The following TMPRSS15 variants were observed in gnomAD, a reference collection of about 807,000 sequenced individuals.
The protein encoded by TMPRSS15 is enteropeptidase.
A neutral mutation model predicts 125.3 loss-of-function variants in TMPRSS15; 128 were observed. That is an observed-to-expected ratio of 1.02 (90% CI 0.89 to 1.18). The LOEUF (loss-of-function observed/expected upper bound fraction) is 1.18, where lower values mean the gene tolerates loss of function less well. TMPRSS15 is among the 50% of genes most tolerant of loss of function. TMPRSS15 has a pLI of 0.00. For synonymous variants in TMPRSS15, 446 were observed against 423.2 expected, an observed-to-expected ratio of 1.05 and a Z score of -0.66; for missense variants, 1,283 against 1,212.7, an observed-to-expected ratio of 1.06 and a Z score of -0.86.
intron 6 of TMPRSS15, among the ~76,000 whole-genome samples, chr21:18,367,260 G>A (rs2075747451): frequency 6.6e-6 from 1 of 152,052 alleles, no homozygotes; most frequent in Non-Finnish European, 1.5e-5. Flanking sequence ...GAAAAATAGT[G>A]GTTTGTTAAC....
chr21:18,423,926 CTTCTT>C (rs1812764652), intron 1 of TMPRSS15, among the ~76,000 whole-genome samples: 1 of 152,104 alleles, frequency 6.6e-6, no homozygotes. Flanking sequence ...TTATCTTCAT[CTTCTT>C]TTTTTTCTTC....
chr21:18,396,541 G>A (rs1354664095), intron 3 of TMPRSS15, among the ~76,000 whole-genome samples: 2 of 151,992 alleles, frequency 1.3e-5, no homozygotes, highest in East Asian at 3.9e-4. Context: ...TTGGGAGGCC[G>A]AGGTGGGCGG....
At chr21:18,300,080 G>C (rs2074948831) in intron 18 of TMPRSS15, among the ~76,000 whole-genome samples, 1 of 150,926 alleles carries the variant, frequency 6.6e-6, no homozygotes, top group Non-Finnish European at 1.5e-5. Context: ...ATAGATGTTA[G>C]AGAGGTGGAT....
At chr21:18,434,628 T>C (rs1167730231) in intron 1 of TMPRSS15, among the ~76,000 whole-genome samples, 2 of 152,092 alleles carry the variant, frequency 1.3e-5, no homozygotes, top group African/African-American at 4.8e-5. Flanking sequence ...GGAACATAAC[T>C]GCTTTGTAAG....
At chr21:18,422,274 C>T (rs541815476) in intron 1 of TMPRSS15, among the ~76,000 whole-genome samples, 1 of 152,144 alleles carries the variant, frequency 6.6e-6, no homozygotes, top group African/African-American at 2.4e-5. Flanking sequence ...GTGTGTGCCA[C>T]CACCCCCAGC....
chr21:18,468,764 T>G (rs969392602), intron 1 of TMPRSS15, among the ~76,000 whole-genome samples: 1 of 152,156 alleles, frequency 6.6e-6, no homozygotes, highest in African/African-American at 2.4e-5. Flanking sequence ...AATTGTACTT[T>G]GGGTATACAC....
At chr21:18,281,347 T>A in intron 21 of TMPRSS15, 126 bp from the exon 22 acceptor site, 1 of 855,968 alleles carries the variant, frequency 1.2e-6, no homozygotes, top group Non-Finnish European at 1.9e-6. Flanking sequence ...CTCTGAAGAA[T>A]CATCCTTTAA....
intron 1 of TMPRSS15, among the ~76,000 whole-genome samples, chr21:18,463,432 G>A (rs1187565422): frequency 6.6e-6 from 1 of 151,870 alleles, no homozygotes; most frequent in African/African-American, 2.4e-5. Context: ...ACCCAATATA[G>A]GAGCACCCAG....
At chr21:18,348,052 G>A (rs1467782788) in intron 10 of TMPRSS15, among the ~76,000 whole-genome samples, 1 of 152,158 alleles carries the variant, frequency 6.6e-6, no homozygotes, top group Non-Finnish European at 1.5e-5. Flanking sequence ...GGGTGTGGTA[G>A]AATGCACCTG....
At chr21:18,309,586 AAAAC>A (rs1455647773) in intron 18 of TMPRSS15, among the ~76,000 whole-genome samples, 1 of 152,164 alleles carries the variant, frequency 6.6e-6, no homozygotes, top group Non-Finnish European at 1.5e-5. Flanking sequence ...TTACAAGAAA[AAAAC>A]AAACAACCCC....
At position 18,294,615 on chromosome 21, in the gene TMPRSS15, A is replaced by G. The variant is rs150923238; in HGVS notation, c.2299T>C (p.Cys767Arg). Residue 767 changes from cysteine (C) to arginine (R), a missense_variant, in exon 20 of 25, where the codon TGT (cysteine) becomes CGT (arginine). Physicochemically the swap from Cys to Arg is radical, Grantham distance 180. Transcript: ENST00000284885. ...CATATTTACTTACATTTATGGTTAC[A>G]CTGTAACCGAATCAAGGAATCCTGT... ...CLQDSLIRLQCNHKSCGKKLA... is the reference protein window; with the variant it reads ...CLQDSLIRLQRNHKSCGKKLA... 15 of 1,611,596 alleles carry G rather than the reference A, an allele frequency of 9.3e-6. No homozygotes were observed. The Middle Eastern group carries it at 8.2e-4, about 88-fold the overall frequency.
intron 19 of TMPRSS15, 141 bp from the exon 20 acceptor site, chr21:18,294,793 T>C (rs937087815): frequency 2.7e-6 from 2 of 751,522 alleles, no homozygotes; most frequent in Non-Finnish European, 4.5e-6. Flanking sequence ...GACTGAATTG[T>C]AAGCCGAAGA....
At chr21:18,322,562 C>T (rs375109433) in intron 16 of TMPRSS15, among the ~76,000 whole-genome samples, 6 of 152,182 alleles carry the variant, frequency 3.9e-5, no homozygotes, top group Admixed American at 6.5e-5. Flanking sequence ...ATAATGAAAT[C>T]CTGTCATTTG....
intron 1 of TMPRSS15, among the ~76,000 whole-genome samples, chr21:18,419,327 G>A (rs1413773273): frequency 2.1e-5 from 3 of 145,428 alleles, no homozygotes; most frequent in Admixed American, 1.5e-4. Flanking sequence ...CCGGGTTCAC[G>A]CCATTCTCCT....
intron 24 of TMPRSS15, among the ~76,000 whole-genome samples, chr21:18,273,910 C>G (rs943713500): frequency 1.3e-5 from 2 of 152,146 alleles, no homozygotes; most frequent in African/African-American, 4.8e-5. Context: ...AACTAGAGGA[C>G]TTACATACAG....
At position 18,275,274 on chromosome 21, in the gene TMPRSS15, G is replaced by C. The variant is rs780237847; in HGVS notation, c.2827C>G (p.Gln943Glu). ...GTAATGTTATATTCTGGCATCTGCT[G>C]TTGGCATCTCTCATTTGATAGAAGA... ...VPLLSNERCQ[Q>E]QMPEYNITEN... Residue 943 changes from glutamine to glutamate, a missense_variant, in exon 24 of 25, where the codon CAG becomes GAG. Coordinates refer to ENST00000284885, the MANE Select transcript of TMPRSS15 (RefSeq NM_002772.3). The C allele has an allele frequency of 6.2e-7, 1 of 1,614,024 alleles. No homozygotes were observed. The highest frequency in any genetic ancestry group is 8.5e-7 in the Non-Finnish European group (1 of 1,179,966).
intron 1 of TMPRSS15, among the ~76,000 whole-genome samples, chr21:18,427,779 T>A (rs1313158740): frequency 6.6e-6 from 1 of 152,188 alleles, no homozygotes; most frequent in East Asian, 1.9e-4. Flanking sequence ...TTTTAAAACA[T>A]TTTTTTCCCA....
At chr21:18,384,929 A>T (rs1169157919) in intron 3 of TMPRSS15, among the ~76,000 whole-genome samples, 1 of 152,108 alleles carries the variant, frequency 6.6e-6, no homozygotes, top group African/African-American at 2.4e-5. Context: ...CCATGACTGG[A>T]TATAGAACTA....
chr21:18,286,933 C>A (rs530406859), intron 21 of TMPRSS15, among the ~76,000 whole-genome samples: 1 of 152,282 alleles, frequency 6.6e-6, no homozygotes, highest in Non-Finnish European at 1.5e-5. Context: ...TTTGCTGTTA[C>A]CTTCAAAGAA....
Sources: gnomAD v4.1 joint callset for allele counts (sites outside exome capture counted in the v4.1 genomes callset) on GRCh38, gnomAD v4.1.1 for gene constraint, MANE v1.5 for transcripts, NCBI Gene and HGNC (gene_info 2026-07-23, HGNC 2026-07-21) for gene names.